RANBP9: variants seen among roughly 807,000 people sequenced by gnomAD.
RANBP9 encodes ran-binding protein 9.
Under a neutral mutation model 84.3 loss-of-function variants are expected in RANBP9, and 15 were observed. The ratio of observed to expected loss-of-function variants is 0.18; its 90% CI spans 0.12 to 0.27. The LOEUF is 0.27. RANBP9 is among the 10% of genes least tolerant of loss of function. The probability of loss-of-function intolerance (pLI) is 1.00; values close to 1 mark genes in which losing one functional copy is unlikely to be tolerated. For synonymous variants in RANBP9, 392 were observed against 349.6 expected, an observed-to-expected ratio of 1.12 and a Z score of -1.35; for missense variants, 809 against 912.8, an observed-to-expected ratio of 0.89 and a Z score of 1.46.
chr6:13,696,030 G>A (rs763319056), intron 2 of RANBP9, among the ~76,000 whole-genome samples: 1 of 151,238 alleles, frequency 6.6e-6, no homozygotes, highest in South Asian at 2.1e-4. Context: ...AAGTTATCAG[G>A]AAATACTATA....
chr6:13,639,495 C>T, intron 9 of RANBP9, 68 bp downstream of exon 9: 1 of 1,478,718 alleles, frequency 6.8e-7, no homozygotes, highest in South Asian at 1.2e-5. Flanking sequence ...TACAGATTTT[C>T]AAAAGGAAAA....
chr6:13,678,511 CCTT>C (rs1765950784), intron 2 of RANBP9, among the ~76,000 whole-genome samples: 2 of 152,326 alleles, frequency 1.3e-5, no homozygotes, highest in African/African-American at 4.8e-5. Context: ...AAATCCACCT[CCTT>C]ATCTAACGCT....
chr6:13,645,480 G>C (rs1053335613), intron 5 of RANBP9, among the ~76,000 whole-genome samples: 3 of 152,102 alleles, frequency 2.0e-5, no homozygotes, highest in African/African-American at 7.2e-5. Flanking sequence ...CATTCTTTTG[G>C]CTATGTCACT....
At chr6:13,673,872 C>A (rs1221225239) in intron 2 of RANBP9, among the ~76,000 whole-genome samples, 1 of 152,024 alleles carries the variant, frequency 6.6e-6, no homozygotes, top group Non-Finnish European at 1.5e-5. Flanking sequence ...CACTTGAGCC[C>A]AGGAGTTCAA....
chr6:13,705,406 CAAAAAAAAAAAAAAA>C (rs774239782), intron 1 of RANBP9, among the ~76,000 whole-genome samples: 14 of 26,764 alleles, frequency 5.2e-4, no homozygotes, highest in Middle Eastern at 0.062. Flanking sequence ...GATTCTGTCT[CAAAAAAAAAAAAAAA>C]AAAAAAAAAA....
rs1031481522 is a variant in RANBP9, at chr6:13,710,838, C to G, written c.571+97G>C. 233 of 1,352,660 alleles carry G rather than the reference C, an allele frequency of 1.7e-4. 1 individual carries two copies. The highest frequency in any genetic ancestry group is 7.4e-4 in the Admixed American group (31 of 41,852). The allele number at this position is 1,352,660 out of a possible 1,614,324, so 83.8% of individuals were successfully genotyped here. On this transcript the variant is annotated intron_variant, in intron 1 of 13. Transcript: ENST00000011619. Reference sequence around the variant, plus strand: ...GAGTGGCCTCCGAGGGCAGAGCCCGCGAGGGCGGGGGTCGGGGGCGGGTCG... The same window carrying G: ...GAGTGGCCTCCGAGGGCAGAGCCCGGGAGGGCGGGGGTCGGGGGCGGGTCG...
chr6:13,659,194 T>C (rs1765480243), intron 2 of RANBP9, among the ~76,000 whole-genome samples: 1 of 151,130 alleles, frequency 6.6e-6, no homozygotes, highest in Non-Finnish European at 1.5e-5. Flanking sequence ...AAAAAAAATG[T>C]TAAGGAAACA....
chr6:13,629,679 T>C (rs913946123), intron 12 of RANBP9, among the ~76,000 whole-genome samples: 1 of 152,094 alleles, frequency 6.6e-6, no homozygotes, highest in Non-Finnish European at 1.5e-5. Context: ...ACAATGCCTC[T>C]CCACACTGCA....
intron 1 of RANBP9, among the ~76,000 whole-genome samples, chr6:13,698,240 G>A (rs1474013032): frequency 2.0e-5 from 3 of 152,106 alleles, no homozygotes; most frequent in South Asian, 2.1e-4. Flanking sequence ...TTAGCCTGGT[G>A]ACCATAAGGA....
Position 13,696,837 on chromosome 6 carries a change from C to A in RANBP9, c.631G>T (p.Ala211Ser). Residue 211 changes from alanine to serine, a missense_variant, in exon 2 of 14, where the codon GCC becomes TCC. By Grantham distance (99) the Ala-to-Ser change is moderately conservative. Transcript: ENST00000011619. ...SVRATHPIPA[A>S]CGIYYFEVKI... is the part of the protein sequence containing the mutation. The stretch of plus-strand genomic sequence containing the variant: ...ACTTCAAAATAATAAATCCCACAGG[C>A]TGCTGGTATTGGATGCGTGGCTCGA... 1 of 1,613,356 alleles carries A rather than the reference C, an allele frequency of 6.2e-7. No individual in the cohort carries two copies. The highest frequency in any genetic ancestry group is 8.5e-7 in the Non-Finnish European group (1 of 1,179,546).
chr6:13,642,452 G>T, intron 7 of RANBP9, 27 bp downstream of exon 7: 1 of 1,281,056 alleles, frequency 7.8e-7, no homozygotes, highest in Non-Finnish European at 1.1e-6. Flanking sequence ...GAAAACAAAT[G>T]TTAGCCATGC....
At chr6:13,695,472 T>G in intron 2 of RANBP9, among the ~76,000 whole-genome samples, 1 of 150,200 alleles carries the variant, frequency 6.7e-6, no homozygotes, top group Non-Finnish European at 1.5e-5. Flanking sequence ...TGTGGGACAT[T>G]CAAATGCAAA....
At position 13,675,863 on chromosome 6, in the gene RANBP9, C is replaced by T. The variant is rs532045298; in HGVS notation, c.684-17031G>A. Among the ~76,000 whole-genome samples the T allele has an allele frequency of 7.9e-5, 12 of 151,778 alleles. No homozygotes were observed. In the East Asian group the frequency reaches 2.3e-3, roughly 29 times the overall value. ...AGAAACATTTATAACTAACTTTATG[C>T]CCACAAATTTGATTATTTAGATGAA... is the stretch of plus-strand genomic sequence containing the variant. On this transcript the variant is annotated intron_variant, in intron 2 of 13. Coordinates refer to ENST00000011619, the MANE Select transcript of RANBP9 (RefSeq NM_005493.3).
intron 1 of RANBP9, among the ~76,000 whole-genome samples, chr6:13,705,382 G>C (rs1364649513): frequency 7.3e-6 from 1 of 137,888 alleles, no homozygotes; most frequent in Non-Finnish European, 1.5e-5. Flanking sequence ...ACTTCGGCCT[G>C]GGCGACAGAG....
chr6:13,650,708 T>A (rs1188847719), intron 5 of RANBP9, among the ~76,000 whole-genome samples: 2 of 152,138 alleles, frequency 1.3e-5, no homozygotes, highest in Non-Finnish European at 2.9e-5. Context: ...ATAAGAGTAA[T>A]CTTAAAAAAT....
chr6:13,653,689 T>A (rs916756446), intron 4 of RANBP9, among the ~76,000 whole-genome samples: 3 of 152,170 alleles, frequency 2.0e-5, no homozygotes, highest in Admixed American at 1.3e-4. Flanking sequence ...CTCTATTTAT[T>A]AATAAAGTTA....
chr6:13,687,736 A>T (rs899870826), intron 2 of RANBP9, among the ~76,000 whole-genome samples: 1 of 152,166 alleles, frequency 6.6e-6, no homozygotes, highest in Admixed American at 6.5e-5. Flanking sequence ...TTAAACCCTC[A>T]ATTTATTATT....
At chr6:13,706,490 C>T (rs567874968) in intron 1 of RANBP9, among the ~76,000 whole-genome samples, 1 of 151,172 alleles carries the variant, frequency 6.6e-6, no homozygotes, top group South Asian at 2.1e-4. Flanking sequence ...GTCAAGAGAT[C>T]GAGACCATCC....
At chr6:13,689,094 C>A (rs2113344754) in intron 2 of RANBP9, among the ~76,000 whole-genome samples, 1 of 150,920 alleles carries the variant, frequency 6.6e-6, no homozygotes, top group Middle Eastern at 3.5e-3. Context: ...GAGGTCAAGG[C>A]TACAGAGAGC....
Sources: gnomAD v4.1 joint callset for allele counts (sites outside exome capture counted in the v4.1 genomes callset) on GRCh38, gnomAD v4.1.1 for gene constraint, MANE v1.5 for transcripts, NCBI Gene and HGNC (gene_info 2026-07-23, HGNC 2026-07-21) for gene names.